The following FREM2 variants were observed in gnomAD, a reference collection of about 807,000 sequenced individuals.
FREM2 encodes FRAS1-related extracellular matrix protein 2.
FREM2 carries 119 observed loss-of-function variants against 219.9 expected under a neutral mutation model. The ratio of observed to expected loss-of-function variants is 0.54; its 90% CI spans 0.47 to 0.63. The LOEUF (loss-of-function observed/expected upper bound fraction) is 0.63. Ranked by LOEUF, FREM2 falls within the 30% of genes least tolerant of loss-of-function variation. FREM2 has a pLI of 0.00. For synonymous variants in FREM2, 1,562 were observed against 1,522.8 expected (o/e 1.03, Z -0.60); for missense variants, 4,030 against 3,993.6 (o/e 1.01, Z -0.25).
intron 1 of FREM2, among the ~76,000 whole-genome samples, chr13:38,693,123 GTAATTGATAAACACCTATCTAGAGTTA>G (rs1172073160): frequency 4.6e-5 from 7 of 152,136 alleles, no homozygotes; most frequent in African/African-American, 1.7e-4. Context: ...ATCCAGAGAC[GTAATTGATAAACACCTATCTAGAGTTA>G]TAACAATGAT....
intron 2 of FREM2, among the ~76,000 whole-genome samples, chr13:38,737,150 G>A (rs577873075): frequency 3.7e-4 from 56 of 152,092 alleles, no homozygotes; most frequent in Non-Finnish European, 2.2e-4. Context: ...TTCCCTTTGG[G>A]GACTATGTCA....
At chr13:38,825,922 C>T (rs896213185) in intron 6 of FREM2, among the ~76,000 whole-genome samples, 3 of 152,026 alleles carry the variant, frequency 2.0e-5, no homozygotes, top group Admixed American at 1.3e-4. Flanking sequence ...TGAAAATACA[C>T]GTTCAAATGA....
At chr13:38,775,094 A>G (rs2137820924) in intron 4 of FREM2, among the ~76,000 whole-genome samples, 1 of 152,356 alleles carries the variant, frequency 6.6e-6, no homozygotes, top group South Asian at 2.1e-4. Context: ...ACCTAATATT[A>G]ATGAGTACAA....
intron 6 of FREM2, among the ~76,000 whole-genome samples, chr13:38,828,414 A>G (rs978648039): frequency 7.2e-5 from 11 of 152,172 alleles, no homozygotes; most frequent in Middle Eastern, 3.2e-3. Flanking sequence ...TATTTCACAT[A>G]AGAATACATA....
chr13:38,692,355 G>T lies in FREM2; in HGVS notation c.5011G>T (p.Ala1671Ser), dbSNP rs765448970. Residue 1671 changes from alanine to serine, a missense_variant, in exon 1 of 24, where the codon GCC becomes TCC. Coordinates refer to ENST00000280481, the MANE Select transcript of FREM2 (RefSeq NM_207361.6). ...GGGGGCCTCTACACTTCGCACTCTAGCCACTGGCCACTTGGGGTTCATGAT... is the reference window on the plus strand; with the variant it reads ...GGGGGCCTCTACACTTCGCACTCTATCCACTGGCCACTTGGGGTTCATGAT... ...NKGASTLRTL[A>S]TGHLGFMITS... The T allele has an allele frequency of 1.9e-6, 3 of 1,605,062 alleles. No individual in the cohort carries two copies. The East Asian group carries it at 6.7e-5, about 36-fold the overall frequency.
intron 2 of FREM2, among the ~76,000 whole-genome samples, chr13:38,743,528 A>C (rs2137783505): frequency 6.6e-6 from 1 of 152,252 alleles, no homozygotes; most frequent in East Asian, 1.9e-4. Flanking sequence ...GAAGAAAGAA[A>C]AAAATCTATT....
chr13:38,877,794 A>G (rs1012606849), intron 21 of FREM2, among the ~76,000 whole-genome samples: 1 of 152,216 alleles, frequency 6.6e-6, no homozygotes, highest in Non-Finnish European at 1.5e-5. Flanking sequence ...ATCAGTATAT[A>G]TCTTATCAAC....
chr13:38,759,775 C>G (rs565540568), intron 2 of FREM2, among the ~76,000 whole-genome samples: 8 of 152,326 alleles, frequency 5.3e-5, no homozygotes, highest in African/African-American at 1.9e-4. Flanking sequence ...TTAACTTCAT[C>G]TATAATTTCA....
At chr13:38,751,573 A>G (rs1033869191) in intron 2 of FREM2, among the ~76,000 whole-genome samples, 17 of 152,050 alleles carry the variant, frequency 1.1e-4, no homozygotes, top group African/African-American at 3.6e-4. Flanking sequence ...TGGTCTTTCC[A>G]ACCCAATGTG....
chr13:38,795,475 A>G (rs117486298), intron 6 of FREM2, among the ~76,000 whole-genome samples: 1,843 of 152,032 alleles, frequency 0.012, 23 homozygotes, highest in South Asian at 0.036. Context: ...AAAAATGTAC[A>G]TATTTATGAG....
At chr13:38,852,277 T>A (rs1187133804) in intron 11 of FREM2, among the ~76,000 whole-genome samples, 1 of 152,178 alleles carries the variant, frequency 6.6e-6, no homozygotes, top group Non-Finnish European at 1.5e-5. Flanking sequence ...AATATAGACA[T>A]ACTCTTTTAA....
At chr13:38,765,500 A>G (rs997439921) in intron 3 of FREM2, among the ~76,000 whole-genome samples, 4 of 152,106 alleles carry the variant, frequency 2.6e-5, no homozygotes, top group Non-Finnish European at 5.9e-5. Context: ...CCAAATGATT[A>G]TTTTGAAATT....
chr13:38,802,086 C>CT (rs1875034001), intron 6 of FREM2, among the ~76,000 whole-genome samples: 1 of 152,194 alleles, frequency 6.6e-6, no homozygotes. Context: ...TATTCAAACA[C>CT]TGAGAGGACA....
intron 2 of FREM2, among the ~76,000 whole-genome samples, chr13:38,748,334 G>C (rs2496389): frequency 0.021 from 3,259 of 152,276 alleles, 113 homozygotes; most frequent in African/African-American, 0.075. Flanking sequence ...AATTTGTATT[G>C]CTGGTAGGGA....
At chr13:38,867,543 T>C (rs556672462) in intron 16 of FREM2, among the ~76,000 whole-genome samples, 20 of 152,254 alleles carry the variant, frequency 1.3e-4, no homozygotes, top group African/African-American at 4.6e-4. Flanking sequence ...ATAGAATAGA[T>C]AGATGAGAAG....
In FREM2 at chr13:38,689,192, C is replaced by T. The variant is rs1463483318; in HGVS notation, c.1848C>T (p.His616=). 2.5e-6 allele frequency: 4 copies of T among 1,614,100 alleles called. No individual in the cohort carries two copies. Among genetic ancestry groups the T allele is most frequent in the Admixed American group, 3.3e-5 (2 of 60,018 alleles). ...GGCATCTGCTTCTCCGCCAAACTCA[C>T]CCTCCCCATGAGAAGCAGGAACTTC... ...TTGHLLLRQT[H]PPHEKQELLR... The change falls in exon 1 of 24, where the codon CAC becomes CAT. Residue 616 remains histidine, a synonymous_variant. Coordinates refer to ENST00000280481, the MANE Select transcript of FREM2 (RefSeq NM_207361.6).
intron 1 of FREM2, among the ~76,000 whole-genome samples, chr13:38,693,958 G>C (rs2138074912): frequency 6.6e-6 from 1 of 152,182 alleles, no homozygotes; most frequent in African/African-American, 2.4e-5. Flanking sequence ...GTCTTACACT[G>C]GTTTATTTTC....
chr13:38,733,462 A>T (rs1283747612), intron 2 of FREM2, among the ~76,000 whole-genome samples: 2 of 152,130 alleles, frequency 1.3e-5, no homozygotes, highest in Admixed American at 6.6e-5. Flanking sequence ...ACTATCCACC[A>T]TAAACTGATA....
At chr13:38,783,383 C>T (rs956523906) in intron 5 of FREM2, among the ~76,000 whole-genome samples, 188 bp downstream of exon 5, 1 of 151,044 alleles carries the variant, frequency 6.6e-6, no homozygotes, top group African/African-American at 2.4e-5. Flanking sequence ...TCTGATTTCA[C>T]TTGGTCACTT....
Sources: allele counts gnomAD v4.1 joint callset (sites outside exome capture counted in the v4.1 genomes callset), GRCh38; gene constraint gnomAD v4.1.1; transcripts MANE v1.5; gene names NCBI Gene and HGNC (gene_info 2026-07-23, HGNC 2026-07-21).